LRRFIP2: variants seen among roughly 807,000 people sequenced by gnomAD.
LRRFIP2 encodes leucine-rich repeat flightless-interacting protein 2.
LRRFIP2 carries 109 observed loss-of-function variants against 125.9 expected under a neutral mutation model. The ratio of observed to expected loss-of-function variants is 0.87; its 90% confidence interval spans 0.74 to 1.01. The LOEUF is 1.01. Among genes scored for constraint, LRRFIP2 ranks in the 50% least tolerant of loss-of-function variants. The pLI is 0.00. For missense variants in LRRFIP2, 850 were observed against 862.3 expected (o/e 0.99, Z 0.18); for synonymous variants, 291 against 293.1 (o/e 0.99, Z 0.07).
At chr3:37,140,395 G>A (rs1375768450) in intron 2 of LRRFIP2, 1 of 151,818 alleles carries the variant, frequency 6.6e-6, no homozygotes, top group East Asian at 1.9e-4. Context: ...TCTGTGCAAG[G>A]ATGATATACA....
chr3:37,146,825 T>C (rs2095866389), intron 2 of LRRFIP2, among the ~76,000 whole-genome samples: 1 of 152,126 alleles, frequency 6.6e-6, no homozygotes, highest in Non-Finnish European at 1.5e-5. Context: ...AAAAATTTCA[T>C]GTTCAAAAGC....
chr3:37,121,967 G>C lies in LRRFIP2; in HGVS notation c.229-276C>G, dbSNP rs530123851. Reference sequence around the variant, plus strand: ...AAGTTCTATGGTACATGTGCACAACGTGCAGGTTTGTAACATATGTATACA... The same window carrying C: ...AAGTTCTATGGTACATGTGCACAACCTGCAGGTTTGTAACATATGTATACA... On this transcript the variant is annotated intron_variant, in intron 4 of 27. Transcript: ENST00000336686. Among the ~76,000 whole-genome samples, 3 of 150,774 alleles carry C rather than the reference G, an allele frequency of 2.0e-5. No individual in the cohort carries two copies. The South Asian group carries it at 6.3e-4, about 32-fold the overall frequency.
chr3:37,131,887 T>C (rs1321659253), intron 2 of LRRFIP2, among the ~76,000 whole-genome samples: 1 of 152,188 alleles, frequency 6.6e-6, no homozygotes, highest in African/African-American at 2.4e-5. Context: ...GAGAGTTAAA[T>C]AGTTAACTGC....
chr3:37,128,806 C>T (rs574456721), intron 3 of LRRFIP2, among the ~76,000 whole-genome samples: 27 of 152,252 alleles, frequency 1.8e-4, no homozygotes, highest in African/African-American at 6.3e-4. Flanking sequence ...GCTACCTTAG[C>T]TAATGTAAGT....
At chr3:37,084,865 A>G (rs892727653) in intron 18 of LRRFIP2, among the ~76,000 whole-genome samples, 5 of 152,064 alleles carry the variant, frequency 3.3e-5, no homozygotes, top group African/African-American at 9.7e-5. Flanking sequence ...GCTAAAAAAA[A>G]TGTTTCACAC....
At position 37,096,637 on chromosome 3, in the gene LRRFIP2, C is replaced by T. The variant is rs779220173; in HGVS notation, c.897G>A (p.Gln299=). The T allele has an allele frequency of 3.8e-6, 6 of 1,569,426 alleles. No individual in the cohort carries two copies. The highest frequency in any genetic ancestry group is 3.5e-6 in the Non-Finnish European group (4 of 1,148,026). Residue 299 remains glutamine, a synonymous_variant, in exon 16 of 28, where the codon CAG becomes CAA. Coordinates refer to ENST00000336686, the MANE Select transcript of LRRFIP2 (RefSeq NM_006309.4). ...TCACTCTTGTATAATTTTCAGCATA[C>T]TGTTTGTCAGATTTTTCATCCAACT... ...LSSLDEKSDK[Q]YAENYTRPSS...
At chr3:37,076,468 T>C (rs1398529115) in intron 19 of LRRFIP2, among the ~76,000 whole-genome samples, 1 of 152,068 alleles carries the variant, frequency 6.6e-6, no homozygotes, top group Non-Finnish European at 1.5e-5. Context: ...GTCAAGGCTA[T>C]AGTGAGCCAT....
intron 3 of LRRFIP2, among the ~76,000 whole-genome samples, chr3:37,128,518 C>CA (rs1181728518): frequency 2.0e-5 from 3 of 152,072 alleles, no homozygotes; most frequent in African/African-American, 7.2e-5. Context: ...AATAATTCCA[C>CA]CATAGACAAA....
intron 17 of LRRFIP2, among the ~76,000 whole-genome samples, chr3:37,092,647 ACT>A (rs1232815456): frequency 6.6e-6 from 1 of 152,168 alleles, no homozygotes; most frequent in Non-Finnish European, 1.5e-5. Context: ...ATCTTATTCA[ACT>A]TTCCACCCTG....
At chr3:37,167,447 A>C (rs1441977729) in intron 1 of LRRFIP2, among the ~76,000 whole-genome samples, 7 of 151,694 alleles carry the variant, frequency 4.6e-5, no homozygotes, top group Non-Finnish European at 7.4e-5. Context: ...CAAAGTCAGG[A>C]GTTCGAGACC....
In LRRFIP2 at chr3:37,096,658, C is replaced by G. The variant is rs1242319681; in HGVS notation, c.876G>C (p.Leu292Phe). The change falls in exon 16 of 28, where the codon TTG becomes TTC. Residue 292 changes from leucine (L) to phenylalanine (F), a missense_variant and splice_region_variant. Coordinates refer to ENST00000336686, the MANE Select transcript of LRRFIP2 (RefSeq NM_006309.4). ...CATACTGTTTGTCAGATTTTTCATC[C>G]AACTAGAAAAGAACAAAGATAAAAA... is the stretch of plus-strand genomic sequence containing the variant. ...DDISIPDLSS[L>F]DEKSDKQYAE... 1.9e-6 allele frequency: 3 copies of G among 1,554,802 alleles called. No homozygotes were observed. In the Admixed American group the frequency reaches 5.4e-5, roughly 28 times the overall value.
intron 19 of LRRFIP2, 61 bp from the exon 20 acceptor site, chr3:37,075,177 C>A: frequency 9.2e-7 from 1 of 1,087,304 alleles, no homozygotes. Context: ...TTTGAACATA[C>A]ACAATACAAC....
Position 37,108,655 on chromosome 3 carries a change from G to A in LRRFIP2, c.639C>T (p.Asn213=). ...GACTTACAGTTCGAGGACCATAAGG[G>A]TTATATAATCCACCATTGTACAATG... ...LASLYNGGLY[N]PYGPRTPSEC... The change falls in exon 12 of 28, where the codon AAC becomes AAT. Residue 213 remains asparagine (N), a synonymous_variant. Transcript: ENST00000336686. 1 of 1,610,348 alleles carries A rather than the reference G, an allele frequency of 6.2e-7. No homozygotes were observed. The highest frequency in any genetic ancestry group is 2.2e-5 in the East Asian group (1 of 44,816).
rs751965558 is a variant in LRRFIP2, at chr3:37,055,160, C to A, written c.1876G>T (p.Ala626Ser). 1.3e-6 allele frequency: 2 copies of A among 1,587,418 alleles called. No homozygotes were observed. The highest frequency in any genetic ancestry group is 2.3e-5 in the South Asian group (2 of 87,930). Residue 626 changes from alanine (A) to serine (S), a missense_variant, in exon 26 of 28, where the codon GCC becomes TCC. Ala to Ser is a moderately conservative substitution (Grantham distance 99). Transcript: ENST00000336686. ...TTGTATTCGCTAATTTGTCTATTGG[C>A]ATCTCCTAGAACAGAAGAAGACAAT... ...DLQFIEMQRDANRQISEYKFK... is the reference protein window; with the variant it reads ...DLQFIEMQRDSNRQISEYKFK...
At chr3:37,095,971 T>C (rs1031738515) in intron 16 of LRRFIP2, among the ~76,000 whole-genome samples, 5 of 152,240 alleles carry the variant, frequency 3.3e-5, no homozygotes, top group Admixed American at 1.3e-4. Flanking sequence ...TGGTTATATG[T>C]TGAAATAGTT....
chr3:37,081,573 AC>A lies in LRRFIP2; in HGVS notation c.1278+2062del, dbSNP rs202187594. Among the ~76,000 whole-genome samples, 552 of 152,086 alleles carry A rather than the reference AC, an allele frequency of 3.6e-3. 5 individuals are homozygous for A. Among genetic ancestry groups the A allele is most frequent in the African/African-American group, 0.012 (502 of 41,498 alleles). ...GCAAATTTCCAGGGTATTAAAAAAA[AC>A]AATACATTTTAGGTTTGAAAAGTAC... On this transcript the variant is annotated intron_variant, in intron 19 of 27. Coordinates refer to ENST00000336686, the MANE Select transcript of LRRFIP2 (RefSeq NM_006309.4).
At chr3:37,073,270 T>A (rs1176042756) in intron 20 of LRRFIP2, among the ~76,000 whole-genome samples, 3 of 152,248 alleles carry the variant, frequency 2.0e-5, no homozygotes, top group Non-Finnish European at 4.4e-5. Flanking sequence ...GAACAAATGA[T>A]CTTTCATCTT....
chr3:37,131,147 G>A lies in LRRFIP2; in HGVS notation c.91-1998C>T, dbSNP rs1008951121. ...GGGGGCTTGGAATGTATCTCCCATGGATTGGAGGGGTGGGGACTACTCTAC... is the reference window on the plus strand; with the variant it reads ...GGGGGCTTGGAATGTATCTCCCATGAATTGGAGGGGTGGGGACTACTCTAC... On this transcript the variant is annotated intron_variant, in intron 2 of 27. Transcript: ENST00000336686. 5.5e-4 allele frequency among the ~76,000 whole-genome samples: 84 copies of A among 152,148 alleles called. 1 individual carries two copies. Among genetic ancestry groups the A allele is most frequent in the African/African-American group, 1.9e-3 (77 of 41,422 alleles).
chr3:37,108,570 C>T, intron 12 of LRRFIP2, 67 bp downstream of exon 12: 1 of 1,330,106 alleles, frequency 7.5e-7, no homozygotes, highest in Non-Finnish European at 1.0e-6. Context: ...TTGACTTTTT[C>T]TTTGAAAGTA....
Sources: allele counts gnomAD v4.1 joint callset (sites outside exome capture counted in the v4.1 genomes callset), GRCh38; gene constraint gnomAD v4.1.1; transcripts MANE v1.5; gene names NCBI Gene and HGNC (gene_info 2026-07-23, HGNC 2026-07-21).